TRPM1: variants seen among roughly 807,000 people sequenced by gnomAD.
The protein encoded by TRPM1 is transient receptor potential cation channel subfamily M member 1, also known as TRPM1-203 APA Isoform, Intron 10.
TRPM1 carries 113 observed loss-of-function variants against 149.4 expected under a neutral mutation model. The ratio of observed to expected loss-of-function variants is 0.76; its 90% CI spans 0.65 to 0.88. TRPM1 has a LOEUF of 0.88. TRPM1 is among the 40% of genes least tolerant of loss of function. TRPM1 has a pLI of 0.00. For missense variants in TRPM1, 1,976 were observed against 2,038.7 expected (o/e 0.97, Z 0.59); for synonymous variants, 741 against 759.5 (o/e 0.98, Z 0.40).
rs973022424 is a variant in TRPM1 at position 31,026,978 on chromosome 15, G to A, written c.3433C>T (p.Arg1145Cys). 2 of 1,614,010 alleles carry A rather than the reference G, an allele frequency of 1.2e-6. No homozygotes were observed. The highest frequency in any genetic ancestry group is 1.3e-5 in the African/African-American group (1 of 74,888). ...ILSHIYIIIM[R>C]LSGRCRKKRE... The stretch of plus-strand genomic sequence containing the variant: ...TTTTTCCTGCAGCGGCCGCTGAGAC[G>A]CATAATGATGATGTAGATGTGGCTT... Residue 1145 changes from arginine to cysteine, a missense_variant, in exon 26 of 28, where the codon CGT (arginine) becomes TGT (cysteine). Transcript: ENST00000256552.
intron 1 of TRPM1, among the ~76,000 whole-genome samples, chr15:31,139,109 T>C (rs1234691903): frequency 1.3e-5 from 2 of 152,236 alleles, no homozygotes; most frequent in African/African-American, 2.4e-5. Context: ...GCCATTGTCA[T>C]TCTGAATTAT....
chr15:31,076,509 A>G (rs777207660), intron 3 of TRPM1, among the ~76,000 whole-genome samples: 2 of 152,226 alleles, frequency 1.3e-5, no homozygotes, highest in Admixed American at 1.3e-4. Context: ...ATAAAGTTAT[A>G]GCTAGTTCAT....
chr15:31,027,294 T>C (rs977432685), intron 25 of TRPM1, among the ~76,000 whole-genome samples, 177 bp from the exon 26 acceptor site: 1 of 152,234 alleles, frequency 6.6e-6, no homozygotes, highest in Non-Finnish European at 1.5e-5. Context: ...GTGGATTATC[T>C]GTGCTTAAGG....
At chr15:31,008,023 A>T (rs1301765903) in intron 27 of TRPM1, among the ~76,000 whole-genome samples, 1 of 152,160 alleles carries the variant, frequency 6.6e-6, no homozygotes, top group African/African-American at 2.4e-5. Flanking sequence ...ATTTTTGTTG[A>T]CTTTGTACTC....
Position 31,154,842 on chromosome 15 carries a change from A to G in TRPM1, c.54+6064T>C, listed in dbSNP as rs1423957742. 2.6e-5 allele frequency among the ~76,000 whole-genome samples: 4 copies of G among 151,446 alleles called. No individual in the cohort carries two copies. In the East Asian group the frequency reaches 7.7e-4, roughly 29 times the overall value. On this transcript the variant is annotated intron_variant, in intron 1 of 26. Coordinates refer to the TRPM1 transcript ENST00000542188. ...TCATCTGATCTTGTGACCCCCACCC[A>G]GGAACTGACTGAAAACAGGATGACA...
At chr15:31,082,619 G>T (rs958288874) in intron 1 of TRPM1, among the ~76,000 whole-genome samples, 1 of 152,196 alleles carries the variant, frequency 6.6e-6, no homozygotes, top group African/African-American at 2.4e-5. Flanking sequence ...GAAGGGCCAC[G>T]GGGAGGCTGC....
At position 31,002,249 on chromosome 15, in the gene TRPM1, G is replaced by A. The variant is rs373443346; in HGVS notation, c.4451C>T (p.Thr1484Met). Residue 1484 changes from threonine (T) to methionine (M), a missense_variant, in exon 28 of 28, where the codon ACG becomes ATG. Physicochemically the swap from Thr to Met is moderately conservative, Grantham distance 81 (BLOSUM62 -1). Around this residue, in one of 3 missense-constraint regions of TRPM1, gnomAD observed 572 missense variants for 578.9 expected, o/e 0.99. Transcript: ENST00000256552. ...VNQDVEYSSI[T>M]DQQLTTEWQC... ...CCATTCCGTCGTCAATTGCTGGTCC[G>A]TGATTGAACTGTACTCTACATCCTG... 26 of 1,614,110 alleles carry A rather than the reference G, an allele frequency of 1.6e-5. No homozygotes were observed. The highest frequency in any genetic ancestry group is 6.7e-5 in the African/African-American group (5 of 74,930).
chr15:31,061,557 A>G (rs774667255), intron 9 of TRPM1, 43 bp from the exon 10 acceptor site: 6 of 1,561,826 alleles, frequency 3.8e-6, no homozygotes. Context: ...GTTGAAAACA[A>G]GAAGGAGATA....
intron 1 of TRPM1, among the ~76,000 whole-genome samples, chr15:31,108,156 C>A (rs1038434173): frequency 1.1e-5 from 1 of 92,180 alleles, no homozygotes; most frequent in Non-Finnish European, 2.4e-5. Context: ...CCACGCCTGT[C>A]CAATTTTTTT....
rs937598734 is a variant in TRPM1, at chr15:31,130,164, T to C, written c.54+30742A>G. ...AACTGAAGGGTTAATGCCGGGTGCATTGGGACCTCCAGGACCTGCCCAGTG... is the reference window on the plus strand; with the variant it reads ...AACTGAAGGGTTAATGCCGGGTGCACTGGGACCTCCAGGACCTGCCCAGTG... On this transcript the variant is annotated intron_variant, in intron 1 of 26. Transcript: ENST00000542188. 5.3e-5 allele frequency among the ~76,000 whole-genome samples: 8 copies of C among 152,308 alleles called. No homozygotes were observed. The South Asian group carries it at 1.4e-3, about 28-fold the overall frequency.
intron 27 of TRPM1, among the ~76,000 whole-genome samples, chr15:31,010,809 G>C (rs985145268): frequency 6.6e-6 from 1 of 152,084 alleles, no homozygotes; most frequent in African/African-American, 2.4e-5. Flanking sequence ...ATTGGCTAAG[G>C]CTTCTATTTT....
intron 4 of TRPM1, among the ~76,000 whole-genome samples, chr15:31,068,744 CAAAAAAAA>C (rs60411633): frequency 1.8e-3 from 111 of 60,208 alleles, no homozygotes; most frequent in African/African-American, 3.7e-3. Context: ...AACTCCAACT[CAAAAAAAA>C]AAAAAAAAAA....
At chr15:31,031,293 T>C (rs2140909651) in intron 22 of TRPM1, 136 bp from the exon 23 acceptor site, 4 of 936,998 alleles carry the variant, frequency 4.3e-6, no homozygotes, top group Non-Finnish European at 5.0e-6. Context: ...TCCCTTCCTT[T>C]CTTCCCATCC....
intron 1 of TRPM1, among the ~76,000 whole-genome samples, chr15:31,150,850 T>G (rs1011990254): frequency 1.3e-5 from 2 of 152,124 alleles, no homozygotes; most frequent in Admixed American, 6.6e-5. Flanking sequence ...ACAGGTGACT[T>G]GCCCAGACAT....
chr15:31,071,977 AAAC>A (rs2034553565), intron 3 of TRPM1, among the ~76,000 whole-genome samples: 1 of 63,908 alleles, frequency 1.6e-5, no homozygotes, highest in Non-Finnish European at 2.9e-5. Flanking sequence ...AAAAAAAAAA[AAAC>A]ATATATATAT....
In TRPM1 at chr15:31,049,509, C is replaced by A. The variant is rs200170211; in HGVS notation, c.1438G>T (p.Val480Leu). The change falls in exon 13 of 28, where the codon GTG becomes TTG. Residue 480 changes from valine (V) to leucine (L), a missense_variant and splice_region_variant. Physicochemically the swap from Val to Leu is conservative, Grantham distance 32. Coordinates refer to ENST00000256552, the MANE Select transcript of TRPM1 (RefSeq NM_001252024.2). ...AGCATCGCTTGCTCCAAAGCATTCA[C>A]CTGCAGGGACCAAGGGCCGGGAGCC... ...DPRKIELLNWVNALEQAMLDA... is the reference protein window; with the variant it reads ...DPRKIELLNWLNALEQAMLDA... The A allele has an allele frequency of 3.3e-5, 53 of 1,613,626 alleles. No homozygotes were observed. The highest frequency in any genetic ancestry group is 4.2e-5 in the Non-Finnish European group (49 of 1,180,042).
rs12911350 is a variant in TRPM1 at position 31,037,741 on chromosome 15, G to A, written c.2541C>T (p.Asn847=). The A allele has an allele frequency of 0.13, 202,425 of 1,613,938 alleles. 13,582 individuals are homozygous for A. The highest frequency in any genetic ancestry group is 0.18 in the Admixed American group (11,024 of 60,018). The part of the protein sequence containing the change: ...PIGTKICEFY[N]APIVKFWFYT... ...AAAACCAGAACTTGACAATGGGCGC[G>A]TTATAGAATTCACAGATCTTTGTTC... The change falls in exon 20 of 28, where the codon AAC becomes AAT. Residue 847 remains asparagine (N), a synonymous_variant. Coordinates refer to ENST00000256552, the MANE Select transcript of TRPM1 (RefSeq NM_001252024.2).
At chr15:31,051,283 C>T (rs563829570) in intron 11 of TRPM1, among the ~76,000 whole-genome samples, 45 of 152,296 alleles carry the variant, frequency 3.0e-4, no homozygotes, top group African/African-American at 1.0e-3. Context: ...AGCACCTAAA[C>T]AACCGGACCC....
At chr15:31,120,777 G>C (rs184698778) in intron 1 of TRPM1, among the ~76,000 whole-genome samples, 1 of 150,178 alleles carries the variant, frequency 6.7e-6, no homozygotes, top group Non-Finnish European at 1.5e-5. Context: ...AATAGTTGGA[G>C]AGTAAACAAT....
Sources: allele counts gnomAD v4.1 joint callset (sites outside exome capture counted in the v4.1 genomes callset), GRCh38; gene constraint gnomAD v4.1.1; regional missense constraint gnomAD v4.1.1; transcripts MANE v1.5; gene names NCBI Gene and HGNC (gene_info 2026-07-23, HGNC 2026-07-21).